NAALADL2: variants seen among roughly 807,000 people sequenced by gnomAD.
The protein encoded by NAALADL2 is N-acetylated alpha-linked acidic dipeptidase like 2, also known as inactive N-acetylated-alpha-linked acidic dipeptidase-like protein 2.
Under a neutral mutation model 87.2 loss-of-function variants are expected in NAALADL2, and 76 were observed. The observed-to-expected ratio is 0.87, with a 90% CI of 0.72 to 1.05. The LOEUF (loss-of-function observed/expected upper bound fraction) is 1.05. Among genes scored for constraint, NAALADL2 ranks in the 50% least tolerant of loss-of-function variants. The pLI is 0.00. For synonymous variants in NAALADL2, 354 were observed against 331.0 expected (o/e 1.07, Z -0.75); for missense variants, 1,089 against 945.8 (o/e 1.15, Z -1.99).
intron 1 of NAALADL2, among the ~76,000 whole-genome samples, chr3:175,021,027 C>A (rs189345712): frequency 6.6e-6 from 1 of 152,056 alleles, no homozygotes; most frequent in African/African-American, 2.4e-5. Context: ...TGACAAAATT[C>A]TTGGCTATAG....
At chr3:175,515,524 T>A (rs1291926649) in intron 9 of NAALADL2, among the ~76,000 whole-genome samples, 4 of 151,362 alleles carry the variant, frequency 2.6e-5, no homozygotes, top group African/African-American at 9.7e-5. Flanking sequence ...TGGTCTTAGT[T>A]GCAAACAACA....
At chr3:175,268,351 TAC>T (rs1471042556) in intron 4 of NAALADL2, among the ~76,000 whole-genome samples, 16 of 152,124 alleles carry the variant, frequency 1.1e-4, no homozygotes, top group Non-Finnish European at 5.9e-5. Flanking sequence ...AAAACTGGTA[TAC>T]CTGTATAGGG....
chr3:175,367,165 G>A (rs940167593), intron 5 of NAALADL2, among the ~76,000 whole-genome samples: 2 of 151,466 alleles, frequency 1.3e-5, no homozygotes, highest in Non-Finnish European at 2.9e-5. Flanking sequence ...AGATCAGATA[G>A]TTGTAGATAT....
At chr3:175,258,774 G>C (rs1186797124) in intron 4 of NAALADL2, among the ~76,000 whole-genome samples, 1 of 152,130 alleles carries the variant, frequency 6.6e-6, no homozygotes, top group Non-Finnish European at 1.5e-5. Context: ...ATAGAATGGT[G>C]TCTGATTTAT....
At chr3:174,994,241 C>T (rs1242866842) in intron 1 of NAALADL2, among the ~76,000 whole-genome samples, 1 of 152,060 alleles carries the variant, frequency 6.6e-6, no homozygotes, top group Non-Finnish European at 1.5e-5. Context: ...ATAGTATTGG[C>T]TTGATATTTG....
chr3:174,732,854 G>A (rs927431681), intron 2 of NAALADL2, among the ~76,000 whole-genome samples: 1 of 152,084 alleles, frequency 6.6e-6, no homozygotes, highest in African/African-American at 2.4e-5. Context: ...TTGCTAAGTT[G>A]GACATAGCAT....
chr3:175,602,938 C>G (rs1047275979), intron 10 of NAALADL2, among the ~76,000 whole-genome samples: 4 of 152,104 alleles, frequency 2.6e-5, no homozygotes, highest in Admixed American at 2.6e-4. Flanking sequence ...CATTTGTTCT[C>G]CCTTTCTCTC....
intron 4 of NAALADL2, among the ~76,000 whole-genome samples, chr3:175,316,927 G>A (rs973664926): frequency 6.6e-6 from 1 of 152,086 alleles, no homozygotes; most frequent in Non-Finnish European, 1.5e-5. Flanking sequence ...GCACTATGAT[G>A]GCCAGTGACA....
chr3:174,544,033 G>C (rs1255998799), intron 1 of NAALADL2, among the ~76,000 whole-genome samples: 29 of 150,786 alleles, frequency 1.9e-4, no homozygotes. Context: ...GAAAAGAAAG[G>C]CTTAAAATGA....
intron 3 of NAALADL2, among the ~76,000 whole-genome samples, chr3:174,779,885 A>G (rs1005707579): frequency 2.0e-5 from 3 of 151,436 alleles, no homozygotes; most frequent in Non-Finnish European, 4.4e-5. Flanking sequence ...GCCTTGTAGT[A>G]TAGTTTGAAG....
chr3:175,127,829 G>A (rs996117511), intron 2 of NAALADL2, among the ~76,000 whole-genome samples: 10 of 151,516 alleles, frequency 6.6e-5, no homozygotes, highest in Non-Finnish European at 2.9e-5. Context: ...GACCAGCCTG[G>A]GCAACATAGC....
rs140261602 is a variant in NAALADL2 at position 174,974,076 on chromosome 3, G to A, written c.43+114626G>A. 3.9e-5 allele frequency among the ~76,000 whole-genome samples: 6 copies of A among 152,182 alleles called. No homozygotes were observed. The East Asian group carries it at 1.2e-3, about 29-fold the overall frequency. On this transcript the variant is annotated intron_variant, in intron 1 of 13. Coordinates refer to ENST00000454872, the MANE Select transcript of NAALADL2 (RefSeq NM_207015.3). ...AAGTATTAACATACATTTGATTTTTGTCACTGATCCAACTTTGCTGAAGCA... is the reference window on the plus strand; with the variant it reads ...AAGTATTAACATACATTTGATTTTTATCACTGATCCAACTTTGCTGAAGCA...
chr3:175,089,063 A>G (rs183644335), intron 1 of NAALADL2, among the ~76,000 whole-genome samples: 249 of 152,310 alleles, frequency 1.6e-3, no homozygotes, highest in Non-Finnish European at 2.9e-3. Flanking sequence ...AGAGACAATA[A>G]AGTAGAGGTT....
At chr3:174,876,389 C>T (rs1006656592) in intron 1 of NAALADL2, among the ~76,000 whole-genome samples, 2 of 152,140 alleles carry the variant, frequency 1.3e-5, no homozygotes, top group Admixed American at 1.3e-4. Context: ...TAGCTCTTTT[C>T]CCCTCTGTCC....
intron 13 of NAALADL2, among the ~76,000 whole-genome samples, chr3:175,788,807 T>G (rs974971579): frequency 3.9e-5 from 6 of 152,162 alleles, no homozygotes; most frequent in Admixed American, 6.5e-5. Flanking sequence ...GGCAAAGAAT[T>G]ATCAAACATA....
chr3:175,228,994 C>T (rs1162997109), intron 2 of NAALADL2, among the ~76,000 whole-genome samples: 5 of 151,768 alleles, frequency 3.3e-5, no homozygotes, highest in African/African-American at 7.2e-5. Flanking sequence ...AATTTACTAA[C>T]GTAATCCACC....
chr3:174,655,185 G>C lies in NAALADL2; in HGVS notation c.-114-82456G>C, dbSNP rs1450510801. Among the ~76,000 whole-genome samples, 3 of 152,146 alleles carry C rather than the reference G, an allele frequency of 2.0e-5. No homozygotes were observed. In the East Asian group the frequency reaches 5.8e-4, roughly 29 times the overall value. On this transcript the variant is annotated intron_variant, in intron 2 of 3. Transcript: ENST00000434257. ...CTGTAAAATAGTAGTAACTAACAAA[G>C]AGTAAATTCTTAGAATACTGGATAA...
chr3:175,209,637 G>C (rs528925279), intron 2 of NAALADL2, among the ~76,000 whole-genome samples: 1 of 151,924 alleles, frequency 6.6e-6, no homozygotes, highest in East Asian at 1.9e-4. Flanking sequence ...CACATAAATA[G>C]ATTTTAAGGA....
chr3:175,357,580 C>T (rs137970959), intron 5 of NAALADL2, among the ~76,000 whole-genome samples: 1 of 152,108 alleles, frequency 6.6e-6, no homozygotes, highest in African/African-American at 2.4e-5. Flanking sequence ...TCAGCAACCA[C>T]CCTACAAATA....
Sources: gnomAD v4.1 joint callset for allele counts (sites outside exome capture counted in the v4.1 genomes callset) on GRCh38, gnomAD v4.1.1 for gene constraint, MANE v1.5 for transcripts, NCBI Gene and HGNC (gene_info 2026-07-23, HGNC 2026-07-21) for gene names.